The following KLHL1 variants were observed in gnomAD, a reference collection of about 807,000 sequenced individuals.
KLHL1 encodes kelch like family member 1, also known as kelch-like protein 1.
Under a neutral mutation model 77.7 loss-of-function variants are expected in KLHL1, and 47 were observed. That is an observed-to-expected ratio of 0.60 (90% CI 0.48 to 0.77). KLHL1 has a LOEUF of 0.77. KLHL1 is among the 30% of genes least tolerant of loss of function. The pLI is 0.00. For synonymous variants in KLHL1, 360 were observed against 325.2 expected (o/e 1.11, Z -1.15); for missense variants, 925 against 910.8 (o/e 1.02, Z -0.20).
chr13:69,726,587 A>C (rs954545931), intron 8 of KLHL1, among the ~76,000 whole-genome samples: 2 of 152,182 alleles, frequency 1.3e-5, no homozygotes, highest in African/African-American at 4.8e-5. Flanking sequence ...CTGGTAAATG[A>C]GGTTCTGAAG....
intron 8 of KLHL1, among the ~76,000 whole-genome samples, chr13:69,726,292 CT>C: frequency 6.6e-6 from 1 of 152,224 alleles, no homozygotes; most frequent in African/African-American, 2.4e-5. Context: ...ACTCCAGTGC[CT>C]TTGAAGAAAC....
intron 1 of KLHL1, among the ~76,000 whole-genome samples, chr13:69,979,266 T>C (rs1884639309): frequency 6.6e-6 from 1 of 152,068 alleles, no homozygotes; most frequent in Non-Finnish European, 1.5e-5. Context: ...AACACATTAC[T>C]TCTCTTCAAG....
At chr13:69,943,316 T>C (rs1481469806) in intron 3 of KLHL1, among the ~76,000 whole-genome samples, 1 of 151,972 alleles carries the variant, frequency 6.6e-6, no homozygotes, top group Admixed American at 6.6e-5. Flanking sequence ...ACATGGTTAA[T>C]AGATAAAAAA....
intron 5 of KLHL1, among the ~76,000 whole-genome samples, chr13:69,875,294 A>T (rs895061528): frequency 3.9e-5 from 6 of 152,144 alleles, no homozygotes; most frequent in African/African-American, 1.4e-4. Context: ...GAGAGCTGGA[A>T]TAGTGAAAAT....
chr13:69,731,401 ACAAC>A (rs897178648), intron 8 of KLHL1, among the ~76,000 whole-genome samples: 14 of 152,310 alleles, frequency 9.2e-5, no homozygotes, highest in African/African-American at 3.4e-4. Flanking sequence ...TAATGGAAGA[ACAAC>A]CAACCATTTT....
intron 4 of KLHL1, among the ~76,000 whole-genome samples, chr13:69,925,756 T>C (rs1024577597): frequency 6.6e-6 from 1 of 152,336 alleles, no homozygotes; most frequent in Non-Finnish European, 1.5e-5. Context: ...ACATTATTTT[T>C]TGTAGTGACT....
intron 4 of KLHL1, 39 bp downstream of exon 4, chr13:69,940,001 A>T: frequency 6.9e-7 from 1 of 1,459,832 alleles, no homozygotes; most frequent in Non-Finnish European, 9.3e-7. Context: ...CTGATAACAC[A>T]GAGTGTGTCT....
chr13:70,028,948 T>C (rs2325267), intron 1 of KLHL1, among the ~76,000 whole-genome samples: 129,002 of 151,178 alleles, frequency 0.85, 55,567 homozygotes, highest in East Asian at 0.92. Context: ...CTGCACTGCA[T>C]TCCAGCTTGG....
intron 1 of KLHL1, among the ~76,000 whole-genome samples, chr13:70,064,381 C>A (rs942372626): frequency 6.6e-6 from 1 of 152,022 alleles, no homozygotes; most frequent in Non-Finnish European, 1.5e-5. Flanking sequence ...CTTACCTCAC[C>A]ATAAATATAG....
chr13:69,834,132 T>C (rs1878884964), intron 6 of KLHL1, among the ~76,000 whole-genome samples: 1 of 151,874 alleles, frequency 6.6e-6, no homozygotes, highest in Non-Finnish European at 1.5e-5. Context: ...ACACATTGGG[T>C]ATGGTGTACA....
At chr13:69,939,961 C>A in intron 4 of KLHL1, 79 bp downstream of exon 4, 1 of 1,116,414 alleles carries the variant, frequency 9.0e-7, no homozygotes, top group Non-Finnish European at 1.2e-6. Context: ...AAAAAACTTG[C>A]TAATGCCATG....
chr13:69,819,163 T>C (rs1201818922), intron 6 of KLHL1, among the ~76,000 whole-genome samples: 2 of 152,188 alleles, frequency 1.3e-5, no homozygotes, highest in Admixed American at 1.3e-4. Context: ...AGATATCTCA[T>C]TTTCCATTTT....
intron 7 of KLHL1, among the ~76,000 whole-genome samples, chr13:69,763,302 T>C (rs1207133608): frequency 6.6e-6 from 1 of 152,162 alleles, no homozygotes; most frequent in Non-Finnish European, 1.5e-5. Flanking sequence ...AGAGACTCAG[T>C]TGCAGGAGGT....
At chr13:70,010,902 T>A (rs189867137) in intron 1 of KLHL1, among the ~76,000 whole-genome samples, 7,841 of 115,942 alleles carry the variant, frequency 0.068, 302 homozygotes, top group Middle Eastern at 0.1. Flanking sequence ...CAAAAAAAAA[T>A]AATAATAATA....
chr13:69,714,906 T>C (rs1463150594), intron 9 of KLHL1, among the ~76,000 whole-genome samples: 1 of 152,150 alleles, frequency 6.6e-6, no homozygotes, highest in East Asian at 1.9e-4. Flanking sequence ...TATCCTTCTA[T>C]CTATATAGAA....
At chr13:70,068,539 G>A (rs1278974707) in intron 1 of KLHL1, among the ~76,000 whole-genome samples, 1 of 152,106 alleles carries the variant, frequency 6.6e-6, no homozygotes. Context: ...TGTTACCTCA[G>A]CTACAATGAA....
intron 4 of KLHL1, among the ~76,000 whole-genome samples, chr13:69,926,696 C>T (rs1334247784): frequency 6.6e-6 from 1 of 151,780 alleles, no homozygotes; most frequent in Admixed American, 6.6e-5. Context: ...GCCTGTAATC[C>T]CAGCACTTTG....
chr13:69,978,923 A>G (rs1398861853), intron 1 of KLHL1, among the ~76,000 whole-genome samples: 1 of 152,140 alleles, frequency 6.6e-6, no homozygotes, highest in African/African-American at 2.4e-5. Flanking sequence ...AGATAAGTAG[A>G]ATAGAAAGAA....
At chr13:70,044,501 A>G (rs915076004) in intron 1 of KLHL1, among the ~76,000 whole-genome samples, 1 of 152,210 alleles carries the variant, frequency 6.6e-6, no homozygotes, top group African/African-American at 2.4e-5. Context: ...ATGAAAAAAT[A>G]CATATAACAT....
Sources: gnomAD v4.1 joint callset for allele counts (sites outside exome capture counted in the v4.1 genomes callset) on GRCh38, gnomAD v4.1.1 for gene constraint, MANE v1.5 for transcripts, NCBI Gene and HGNC (gene_info 2026-07-23, HGNC 2026-07-21) for gene names.